Variants in RANBP2 observed in about 807,000 individuals in gnomAD.
The protein encoded by RANBP2 is E3 SUMO-protein ligase RanBP2.
Under a neutral mutation model 303.6 loss-of-function variants are expected in RANBP2, and 57 were observed. The observed-to-expected ratio is 0.19, with a 90% confidence interval of 0.15 to 0.23. The LOEUF (loss-of-function observed/expected upper bound fraction) is 0.23. RANBP2 is among the 10% of genes least tolerant of loss of function. The pLI, the probability that RANBP2 is intolerant of heterozygous loss-of-function variation, is 1.00. For missense variants in RANBP2, 3,138 were observed against 3,780.8 expected, an observed-to-expected ratio of 0.83 and a Z score of 4.46; for synonymous variants, 1,167 against 1,301.5, an observed-to-expected ratio of 0.90 and a Z score of 2.23.
the RANBP2 span, among the ~76,000 whole-genome samples, chr2:108,796,059 TA>T: frequency 6.6e-6 from 1 of 152,182 alleles, no homozygotes; most frequent in Non-Finnish European, 1.5e-5. Context: ...TTTATTTATT[TA>T]TTTTTTTGAG....
At chr2:109,042,564 C>T in the RANBP2 span, among the ~76,000 whole-genome samples, 1 of 152,152 alleles carries the variant, frequency 6.6e-6, no homozygotes, top group African/African-American at 2.4e-5. Context: ...TCATTTTAGC[C>T]AGAGCAAGAA....
chr2:109,199,116 T>C, the RANBP2 span, among the ~76,000 whole-genome samples: 2 of 151,786 alleles, frequency 1.3e-5, no homozygotes, highest in African/African-American at 2.4e-5. Flanking sequence ...TCCCAGCACT[T>C]TGGGAGGCTG....
chr2:109,286,571 T>G, the RANBP2 span, among the ~76,000 whole-genome samples: 52 of 152,214 alleles, frequency 3.4e-4, no homozygotes, highest in Admixed American at 7.2e-4. Context: ...GGGCCTGGAC[T>G]TTCAGCTAAG....
the RANBP2 span, among the ~76,000 whole-genome samples, chr2:109,515,070 T>A: frequency 6.6e-6 from 1 of 152,290 alleles, no homozygotes; most frequent in Non-Finnish European, 1.5e-5. Context: ...GCCCTGGAAA[T>A]CACTTGTGGC....
At chr2:109,679,200 C>T in the RANBP2 span, among the ~76,000 whole-genome samples, 4 of 152,096 alleles carry the variant, frequency 2.6e-5, no homozygotes, top group Non-Finnish European at 5.9e-5. Flanking sequence ...CTAAATAGAC[C>T]AAGAAAAGAC....
downstream of RANBP2, chr2:108,786,688 C>T (rs1022384879): frequency 6.1e-6 from 5 of 819,406 alleles, no homozygotes; most frequent in South Asian, 3.1e-5. Flanking sequence ...CGGGTCGCCC[C>T]GCCCCGCCCT....
the RANBP2 span, among the ~76,000 whole-genome samples, chr2:109,568,266 A>G: frequency 6.6e-5 from 10 of 152,148 alleles, no homozygotes; most frequent in Admixed American, 5.2e-4. Flanking sequence ...GTGTATTCTC[A>G]GCCTGGCCCT....
At chr2:109,187,820 A>G in the RANBP2 span, among the ~76,000 whole-genome samples, 1 of 152,206 alleles carries the variant, frequency 6.6e-6, no homozygotes, top group Admixed American at 6.5e-5. Flanking sequence ...ATCCTCTGCC[A>G]TTGTGACCAG....
chr2:108,929,984 G>T, the RANBP2 span: 1 of 1,091,436 alleles, frequency 9.2e-7, no homozygotes, highest in Non-Finnish European at 1.3e-6. Context: ...CAATCTCAAC[G>T]TCCAGGGAGC....
intron 6 of RANBP2, among the ~76,000 whole-genome samples, chr2:108,739,414 C>CA (rs1250466054): frequency 1.3e-5 from 2 of 151,720 alleles, no homozygotes; most frequent in African/African-American, 4.8e-5. Context: ...AAAACAAAAA[C>CA]AAAAAAACTC....
chr2:109,134,776 C>T, the RANBP2 span, among the ~76,000 whole-genome samples: 1 of 152,278 alleles, frequency 6.6e-6, no homozygotes, highest in Non-Finnish European at 1.5e-5. Flanking sequence ...CAGTGGCCAC[C>T]CCTTCCATTC....
chr2:109,049,867 C>T, the RANBP2 span, among the ~76,000 whole-genome samples: 1 of 152,176 alleles, frequency 6.6e-6, no homozygotes, highest in Non-Finnish European at 1.5e-5. Flanking sequence ...TTCATTTGCT[C>T]AGAATAAACA....
At chr2:108,910,651 C>A in the RANBP2 span, 1 of 1,413,250 alleles carries the variant, frequency 7.1e-7, no homozygotes. Context: ...TGGCACCACC[C>A]CACGGTAAGC....
chr2:108,784,041 G>T lies in RANBP2; in HGVS notation c.*140G>T. On this transcript the variant is annotated 3_prime_UTR_variant, in exon 29 of 29. Coordinates refer to ENST00000283195, the MANE Select transcript of RANBP2 (RefSeq NM_006267.5). ...TGTAAAATTGCAGCTTATAGCTGTT[G>T]TCACTTTTTAATGTGTTATAATTGA... 1 of 808,102 alleles carries T rather than the reference G, an allele frequency of 1.2e-6. No individual in the cohort carries two copies. The highest frequency in any genetic ancestry group is 1.9e-6 in the Non-Finnish European group (1 of 520,222). The allele number at this position is 808,102 out of a possible 1,614,324, so 50.1% of individuals were successfully genotyped here.
At chr2:109,409,515 C>T in the RANBP2 span, among the ~76,000 whole-genome samples, 1 of 152,150 alleles carries the variant, frequency 6.6e-6, no homozygotes, top group Non-Finnish European at 1.5e-5. Context: ...AAATTTGGAA[C>T]TCCTACGGGG....
At chr2:109,449,441 C>T in the RANBP2 span, 3 of 1,613,902 alleles carry the variant, frequency 1.9e-6, no homozygotes, top group African/African-American at 1.3e-5. Context: ...TGTCCACATC[C>T]AGCCCCACCA....
chr2:109,510,149 G>C, the RANBP2 span, among the ~76,000 whole-genome samples: 1 of 152,202 alleles, frequency 6.6e-6, no homozygotes, highest in African/African-American at 2.4e-5. Flanking sequence ...GGAGAGCTTG[G>C]CAGGATCAAG....
the RANBP2 span, among the ~76,000 whole-genome samples, chr2:109,766,129 G>A: frequency 1.3e-5 from 2 of 150,812 alleles, no homozygotes; most frequent in South Asian, 2.1e-4. Context: ...AGGTCACCGT[G>A]TAGTTGACTG....
the RANBP2 span, among the ~76,000 whole-genome samples, chr2:109,391,538 G>C: frequency 6.6e-6 from 1 of 152,206 alleles, no homozygotes; most frequent in Non-Finnish European, 1.5e-5. Flanking sequence ...TAACTTCAAG[G>C]GGGGAATCTC....
Sources: gnomAD v4.1 joint callset for allele counts (sites outside exome capture counted in the v4.1 genomes callset) on GRCh38, gnomAD v4.1.1 for gene constraint, MANE v1.5 for transcripts, NCBI Gene and HGNC (gene_info 2026-07-23, HGNC 2026-07-21) for gene names.